The following ATP10B variants were observed in gnomAD, a reference collection of about 807,000 sequenced individuals.
ATP10B encodes phospholipid-transporting ATPase VB.
Under a neutral mutation model 141.2 loss-of-function variants are expected in ATP10B, and 122 were observed. The ratio of observed to expected loss-of-function variants is 0.86; its 90% CI spans 0.75 to 1.00. The LOEUF (loss-of-function observed/expected upper bound fraction) is 1.00, where lower values mean the gene tolerates loss of function less well. Among genes scored for constraint, ATP10B ranks in the 50% least tolerant of loss-of-function variants. The pLI, the probability that ATP10B is intolerant of heterozygous loss-of-function variation, is 0.00. For missense variants in ATP10B, 1,876 were observed against 1,825.3 expected, an observed-to-expected ratio of 1.03 and a Z score of -0.51; for synonymous variants, 685 against 692.0, an observed-to-expected ratio of 0.99 and a Z score of 0.16.
the ATP10B span, among the ~76,000 whole-genome samples, chr5:160,925,253 G>A: frequency 1.3e-5 from 2 of 152,220 alleles, no homozygotes; most frequent in African/African-American, 4.8e-5. Context: ...TATACAAGAT[G>A]GGGATGATAG....
chr5:160,787,991 G>A (rs916850297), intron 1 of ATP10B, among the ~76,000 whole-genome samples: 2 of 152,184 alleles, frequency 1.3e-5, no homozygotes, highest in Non-Finnish European at 2.9e-5. Context: ...TCCAGTGATG[G>A]TTAGATGGGG....
chr5:160,857,259 T>C, the ATP10B span, among the ~76,000 whole-genome samples: 476 of 151,826 alleles, frequency 3.1e-3, no homozygotes, highest in Non-Finnish European at 4.4e-3. Context: ...ATTGGAAGTA[T>C]CTATTTTGCA....
At chr5:160,682,750 G>A (rs550956506) in intron 6 of ATP10B, among the ~76,000 whole-genome samples, 2 of 152,020 alleles carry the variant, frequency 1.3e-5, no homozygotes, top group African/African-American at 4.8e-5. Context: ...GAAAAACGAT[G>A]CTTTCTCGGC....
At chr5:160,819,876 A>G (rs1253846013) in intron 1 of ATP10B, among the ~76,000 whole-genome samples, 4 of 152,128 alleles carry the variant, frequency 2.6e-5, no homozygotes, top group Admixed American at 2.6e-4. Flanking sequence ...CTAGCAGAGA[A>G]AAATCACCTT....
chr5:160,650,317 A>G (rs1760644164), intron 7 of ATP10B, among the ~76,000 whole-genome samples: 1 of 152,064 alleles, frequency 6.6e-6, no homozygotes, highest in African/African-American at 2.4e-5. Flanking sequence ...GTTCATTACA[A>G]CTGTCCCAGC....
intron 8 of ATP10B, 128 bp downstream of exon 8, chr5:160,649,043 C>G (rs901785250): frequency 1.9e-6 from 1 of 515,322 alleles, no homozygotes; most frequent in Non-Finnish European, 3.3e-6. Context: ...TCTAGTCCCT[C>G]TTTATCACAC....
chr5:160,735,513 C>T (rs1359198920), intron 2 of ATP10B, among the ~76,000 whole-genome samples: 1 of 151,944 alleles, frequency 6.6e-6, no homozygotes, highest in Non-Finnish European at 1.5e-5. Context: ...ATTATTAGAG[C>T]TAAAGAGAGA....
chr5:160,587,774 G>C (rs1349839900), intron 24 of ATP10B, among the ~76,000 whole-genome samples: 2 of 152,310 alleles, frequency 1.3e-5, no homozygotes, highest in African/African-American at 4.8e-5. Context: ...TTTGTACATT[G>C]ATTTTCTATC....
At chr5:160,763,547 G>A (rs944550544) in intron 2 of ATP10B, among the ~76,000 whole-genome samples, 11 of 151,922 alleles carry the variant, frequency 7.2e-5, no homozygotes, top group Admixed American at 1.3e-4. Context: ...AAAACCTCTC[G>A]GATACAGCAA....
intron 1 of ATP10B, among the ~76,000 whole-genome samples, chr5:160,844,667 T>G (rs112751168): frequency 9.9e-5 from 15 of 152,104 alleles, no homozygotes; most frequent in African/African-American, 3.6e-4. Flanking sequence ...TGCCTCAGCA[T>G]CCTGAGTAGT....
At chr5:160,900,890 CT>C in the ATP10B span, among the ~76,000 whole-genome samples, 21 of 138,866 alleles carry the variant, frequency 1.5e-4, no homozygotes, top group African/African-American at 5.5e-4. Flanking sequence ...AGTATAAATC[CT>C]TTTGGGGGGT....
At chr5:160,661,084 G>A (rs1189072903) in intron 7 of ATP10B, among the ~76,000 whole-genome samples, 3 of 152,130 alleles carry the variant, frequency 2.0e-5, no homozygotes, top group Non-Finnish European at 4.4e-5. Flanking sequence ...TACTCTGGAG[G>A]CTGAGGCAAG....
intron 24 of ATP10B, among the ~76,000 whole-genome samples, chr5:160,571,209 TTAAAA>T (rs1754855738): frequency 6.6e-6 from 1 of 152,180 alleles, no homozygotes. Flanking sequence ...GTCAGACCAC[TTAAAA>T]TATCATTCTA....
At chr5:160,708,947 C>A (rs1191578110) in intron 3 of ATP10B, among the ~76,000 whole-genome samples, 1 of 152,268 alleles carries the variant, frequency 6.6e-6, no homozygotes, top group South Asian at 2.1e-4. Context: ...TGATACACAT[C>A]GGAGAGCCAG....
chr5:160,822,133 A>G (rs1304700368), intron 1 of ATP10B, among the ~76,000 whole-genome samples: 4 of 152,190 alleles, frequency 2.6e-5, no homozygotes, highest in Non-Finnish European at 5.9e-5. Flanking sequence ...ATTAATAACC[A>G]GAATATATAA....
intron 2 of ATP10B, among the ~76,000 whole-genome samples, chr5:160,772,889 G>A (rs568696232): frequency 6.6e-6 from 1 of 152,274 alleles, no homozygotes; most frequent in South Asian, 2.1e-4. Flanking sequence ...AAGTCTTTAG[G>A]GAGAAATCTG....
the ATP10B span, among the ~76,000 whole-genome samples, chr5:160,914,894 C>G: frequency 2.9e-3 from 442 of 152,284 alleles, 1 homozygote; most frequent in African/African-American, 0.01. Context: ...TCCTGAGGAA[C>G]AGCATGACAA....
chr5:160,617,423 G>T (rs189835124), intron 16 of ATP10B, among the ~76,000 whole-genome samples: 2 of 152,288 alleles, frequency 1.3e-5, no homozygotes, highest in East Asian at 3.9e-4. Context: ...ACTTCTTCCT[G>T]GTTGTAGCTG....
chr5:160,620,739 G>A lies in ATP10B; in HGVS notation c.2024C>T (p.Thr675Ile). The A allele has an allele frequency of 1.2e-6, 2 of 1,614,224 alleles. No homozygotes were observed. Among genetic ancestry groups the A allele is most frequent in the South Asian group, 1.1e-5 (1 of 91,084 alleles). ...DASVCSGGDSTDDGGYRSSMW... is the reference protein window; with the variant it reads ...DASVCSGGDSIDDGGYRSSMW... ...GCTGCTCCTGTAGCCACCGTCATCA[G>A]TGGAGTCACCTCCACTGCACACAGA... Residue 675 changes from threonine to isoleucine, a missense_variant, in exon 15 of 26, where the codon ACT becomes ATT. Thr to Ile is a moderately conservative substitution (Grantham distance 89). Coordinates refer to ENST00000327245, the MANE Select transcript of ATP10B (RefSeq NM_025153.3).
Sources: allele counts gnomAD v4.1 joint callset (sites outside exome capture counted in the v4.1 genomes callset), GRCh38; gene constraint gnomAD v4.1.1; transcripts MANE v1.5; gene names NCBI Gene and HGNC (gene_info 2026-07-23, HGNC 2026-07-21).